RGL1: variants seen among roughly 807,000 people sequenced by gnomAD.
The protein encoded by RGL1 is ral guanine nucleotide dissociation stimulator-like 1.
A neutral mutation model predicts 95.2 loss-of-function variants in RGL1; 24 were observed. The ratio of observed to expected loss-of-function variants is 0.25; its 90% CI spans 0.18 to 0.35. The LOEUF is 0.35. Ranked by LOEUF, RGL1 falls within the 10% of genes least tolerant of loss-of-function variation. The probability of loss-of-function intolerance (pLI) is 1.00; values close to 1 mark genes in which losing one functional copy is unlikely to be tolerated. For missense variants in RGL1, 715 were observed against 936.3 expected, an observed-to-expected ratio of 0.76 and a Z score of 3.08; for synonymous variants, 329 against 344.9, an observed-to-expected ratio of 0.95 and a Z score of 0.51.
At chr1:183,783,899 G>A (rs1660025905) in intron 2 of RGL1, among the ~76,000 whole-genome samples, 1 of 152,158 alleles carries the variant, frequency 6.6e-6, no homozygotes, top group African/African-American at 2.4e-5. Context: ...TCCAGGGTGT[G>A]GAGTTGTCAG....
At chr1:183,647,849 A>C (rs779964164) in intron 1 of RGL1, 4 of 1,614,092 alleles carry the variant, frequency 2.5e-6, no homozygotes, top group Non-Finnish European at 3.4e-6. Flanking sequence ...TCCTGGGTTT[A>C]TTTGGGTTTT....
intron 10 of RGL1, among the ~76,000 whole-genome samples, chr1:183,899,314 C>G (rs1667883028): frequency 1.3e-5 from 2 of 152,206 alleles, no homozygotes; most frequent in Non-Finnish European, 2.9e-5. Context: ...AGGACCCAAT[C>G]CGGCATACCA....
chr1:183,656,288 C>T (rs1336802808), intron 1 of RGL1, among the ~76,000 whole-genome samples: 1 of 152,112 alleles, frequency 6.6e-6, no homozygotes, highest in African/African-American at 2.4e-5. Context: ...AACAGAGTGA[C>T]CTCAATGCCT....
chr1:183,677,523 T>G (rs1347861236), intron 1 of RGL1, among the ~76,000 whole-genome samples: 1 of 152,138 alleles, frequency 6.6e-6, no homozygotes, highest in African/African-American at 2.4e-5. Context: ...AATCCTCAAT[T>G]TCATGTTATT....
At chr1:183,840,700 A>AACAT (rs1434646732) in intron 2 of RGL1, among the ~76,000 whole-genome samples, 2 of 150,750 alleles carry the variant, frequency 1.3e-5, no homozygotes, top group Non-Finnish European at 3.0e-5. Flanking sequence ...TTGTCTCTAA[A>AACAT]AAATAAATAA....
At position 183,926,367 on chromosome 1, in the gene RGL1, C is replaced by T. The variant is rs1669617308; in HGVS notation, c.*75C>T. ...AAACAGGCTGCGGTGATTGCAATTA[C>T]CATCCGGTGTTCGAGGATCATTGGT... On this transcript the variant is annotated 3_prime_UTR_variant, in exon 18 of 18. Coordinates refer to ENST00000360851, the MANE Select transcript of RGL1 (RefSeq NM_001297671.3). 1 of 1,275,692 alleles carries T rather than the reference C, an allele frequency of 7.8e-7. No individual in the cohort carries two copies. The highest frequency in any genetic ancestry group is 1.5e-5 in the South Asian group (1 of 68,654). The allele number at this position is 1,275,692 out of a possible 1,614,324, so 79.0% of individuals were successfully genotyped here. A position where few individuals can be genotyped will look rare whatever the true frequency, so the allele number is the denominator to read the frequency against.
intron 16 of RGL1, among the ~76,000 whole-genome samples, chr1:183,920,578 A>G (rs994763188): frequency 2.0e-5 from 3 of 152,140 alleles, no homozygotes; most frequent in African/African-American, 7.2e-5. Context: ...AGGAAAGGAG[A>G]ATGAAGGTAG....
At chr1:183,816,289 G>A (rs981133928) in intron 2 of RGL1, among the ~76,000 whole-genome samples, 1 of 152,010 alleles carries the variant, frequency 6.6e-6, no homozygotes, top group African/African-American at 2.4e-5. Flanking sequence ...TCAGACAGTC[G>A]GAAACAATTT....
At chr1:183,701,169 T>A (rs1293519767) in intron 1 of RGL1, among the ~76,000 whole-genome samples, 1 of 152,220 alleles carries the variant, frequency 6.6e-6, no homozygotes, top group Non-Finnish European at 1.5e-5. Flanking sequence ...TTGTTGCCCT[T>A]GAGATCACAC....
At chr1:183,648,760 A>G in intron 1 of RGL1, 4 of 1,609,276 alleles carry the variant, frequency 2.5e-6, no homozygotes, top group South Asian at 2.2e-5. Flanking sequence ...TTTGCTAGGT[A>G]CTCCTCATAT....
chr1:183,743,633 C>T (rs142143918), intron 2 of RGL1, among the ~76,000 whole-genome samples: 21 of 152,230 alleles, frequency 1.4e-4, no homozygotes, highest in Admixed American at 5.9e-4. Context: ...AATGGCAATT[C>T]CTTAATTGAT....
At chr1:183,759,394 GC>G (rs1202392731) in intron 2 of RGL1, among the ~76,000 whole-genome samples, 12 of 152,282 alleles carry the variant, frequency 7.9e-5, no homozygotes, top group African/African-American at 2.9e-4. Context: ...GATGATTAAG[GC>G]AGATAAATAC....
intron 1 of RGL1, among the ~76,000 whole-genome samples, chr1:183,685,758 G>A (rs981166152): frequency 1.3e-5 from 2 of 152,156 alleles, no homozygotes; most frequent in Non-Finnish European, 2.9e-5. Flanking sequence ...CTAACATGTG[G>A]TAATACAGTA....
intron 2 of RGL1, among the ~76,000 whole-genome samples, chr1:183,830,127 C>G (rs1383811614): frequency 6.6e-6 from 1 of 152,120 alleles, no homozygotes; most frequent in African/African-American, 2.4e-5. Flanking sequence ...AGAAGTGATG[C>G]TCTAGTCCTC....
chr1:183,908,679 T>G (rs577003148), intron 14 of RGL1, among the ~76,000 whole-genome samples: 2 of 152,294 alleles, frequency 1.3e-5, no homozygotes, highest in African/African-American at 4.8e-5. Context: ...AGCTCCCTGA[T>G]AGAGGAGTCC....
At chr1:183,829,751 T>C (rs543910425) in intron 2 of RGL1, among the ~76,000 whole-genome samples, 1 of 152,300 alleles carries the variant, frequency 6.6e-6, no homozygotes, top group South Asian at 2.1e-4. Flanking sequence ...TTATCCTTCT[T>C]GTATTCCAAG....
At chr1:183,708,385 C>T (rs1558164835) in intron 1 of RGL1, among the ~76,000 whole-genome samples, 1 of 152,118 alleles carries the variant, frequency 6.6e-6, no homozygotes, top group African/African-American at 2.4e-5. Context: ...CCCAAATTAA[C>T]AAGACTTGGT....
chr1:183,644,808 G>C (rs1650172630), intron 1 of RGL1, among the ~76,000 whole-genome samples: 1 of 152,230 alleles, frequency 6.6e-6, no homozygotes, highest in South Asian at 2.1e-4. Flanking sequence ...TTTGCTGTCC[G>C]ATCAGCAGGA....
intron 9 of RGL1, among the ~76,000 whole-genome samples, chr1:183,894,295 A>G (rs2102678869): frequency 6.6e-6 from 1 of 152,350 alleles, no homozygotes; most frequent in Middle Eastern, 3.4e-3. Flanking sequence ...TTAGAAGTGA[A>G]GCTGTATCTA....
Sources: gnomAD v4.1 joint callset for allele counts (sites outside exome capture counted in the v4.1 genomes callset) on GRCh38, gnomAD v4.1.1 for gene constraint, MANE v1.5 for transcripts, NCBI Gene and HGNC (gene_info 2026-07-23, HGNC 2026-07-21) for gene names.